CLSTN2: variants seen among roughly 807,000 people sequenced by gnomAD.
The protein encoded by CLSTN2 is calsyntenin-2.
A neutral mutation model predicts 101.2 loss-of-function variants in CLSTN2; 48 were observed. The observed-to-expected ratio is 0.47, with a 90% confidence interval of 0.38 to 0.60. CLSTN2 has a LOEUF of 0.60. CLSTN2 is among the 20% of genes least tolerant of loss of function. The probability of loss-of-function intolerance (pLI) is 0.00; values close to 1 mark genes in which losing one functional copy is unlikely to be tolerated. For synonymous variants in CLSTN2, 481 were observed against 463.6 expected (o/e 1.04, Z -0.48); for missense variants, 1,160 against 1,238.2 (o/e 0.94, Z 0.95).
chr3:140,348,478 C>T (rs976023826), intron 2 of CLSTN2, among the ~76,000 whole-genome samples: 3 of 152,180 alleles, frequency 2.0e-5, no homozygotes, highest in Admixed American at 1.3e-4. Flanking sequence ...CCCCCTACCC[C>T]AGTCACTAAC....
At position 140,264,375 on chromosome 3, in the gene CLSTN2, AATATATATATATATATAT is replaced by A. The variant is rs61248635; in HGVS notation, c.232+88338_232+88355del. 5.8e-3 allele frequency among the ~76,000 whole-genome samples: 569 copies of A among 98,530 alleles called. 11 individuals are homozygous for A. Among genetic ancestry groups the A allele is most frequent in the African/African-American group, 0.011 (317 of 28,558 alleles). 64.6% of individuals were successfully genotyped at this position (98,530 alleles called of 152,430 possible). A position where few individuals can be genotyped will look rare whatever the true frequency, so the allele number is the denominator to read the frequency against. On this transcript the variant is annotated intron_variant, in intron 2 of 16. Coordinates refer to ENST00000458420, the MANE Select transcript of CLSTN2 (RefSeq NM_022131.3). Reference sequence around the variant, plus strand: ...CTGTGAGTTCAAGGTTAATGAATCAAATATATATATATATATATATATATATATATATATATATATATA... The same window carrying A: ...CTGTGAGTTCAAGGTTAATGAATCAAATATATATATATATATATATATATA...
At chr3:140,545,286 G>A (rs1935564492) in intron 9 of CLSTN2, among the ~76,000 whole-genome samples, 1 of 152,176 alleles carries the variant, frequency 6.6e-6, no homozygotes, top group African/African-American at 2.4e-5. Flanking sequence ...CACAGAAGGT[G>A]TCCCACTGGA....
Position 140,387,346 on chromosome 3 carries a change from G to T in CLSTN2, c.233-16283G>T, listed in dbSNP as rs1158542474. On this transcript the variant is annotated intron_variant, in intron 2 of 16. Coordinates refer to ENST00000458420, the MANE Select transcript of CLSTN2 (RefSeq NM_022131.3). ...TATAAGAGAGAATTCTCTGTTAGTT[G>T]ATGAAGAGCATGTAGGATGGCTTAT... 2.6e-5 allele frequency among the ~76,000 whole-genome samples: 4 copies of T among 152,296 alleles called. No homozygotes were observed. The East Asian group carries it at 5.8e-4, about 22-fold the overall frequency.
intron 13 of CLSTN2, 120 bp downstream of exon 13, chr3:140,562,428 G>A: frequency 1.0e-6 from 1 of 985,432 alleles, no homozygotes; most frequent in Non-Finnish European, 1.5e-6. Flanking sequence ...GGACCAGTTG[G>A]AGATCCTTGG....
chr3:139,949,533 G>A (rs1277957103), intron 1 of CLSTN2, among the ~76,000 whole-genome samples: 2 of 152,196 alleles, frequency 1.3e-5, no homozygotes, highest in Non-Finnish European at 2.9e-5. Flanking sequence ...GCCCAGCTGG[G>A]GTTAGGGACC....
chr3:140,281,109 C>A (rs535533378), intron 2 of CLSTN2, among the ~76,000 whole-genome samples: 1 of 152,322 alleles, frequency 6.6e-6, no homozygotes, highest in Non-Finnish European at 1.5e-5. Flanking sequence ...GAGTGTGAGT[C>A]CATGTGTGTG....
intron 2 of CLSTN2, among the ~76,000 whole-genome samples, chr3:140,228,723 G>C (rs943695853): frequency 6.6e-6 from 1 of 152,188 alleles, no homozygotes; most frequent in Non-Finnish European, 1.5e-5. Flanking sequence ...GGAAGGCAAG[G>C]AGGAGCAAGT....
intron 11 of CLSTN2, among the ~76,000 whole-genome samples, chr3:140,557,849 C>G (rs1010007085): frequency 2.6e-5 from 4 of 152,184 alleles, no homozygotes; most frequent in African/African-American, 9.7e-5. Flanking sequence ...CCCATGAGGT[C>G]TGACGAGAAG....
intron 11 of CLSTN2, among the ~76,000 whole-genome samples, chr3:140,557,364 G>A (rs1174976731): frequency 6.6e-6 from 1 of 152,164 alleles, no homozygotes; most frequent in African/African-American, 2.4e-5. Flanking sequence ...GCCTGGGACA[G>A]GCACCAGAAA....
At chr3:139,996,979 G>A (rs553435702) in intron 1 of CLSTN2, among the ~76,000 whole-genome samples, 21 of 148,430 alleles carry the variant, frequency 1.4e-4, no homozygotes, top group African/African-American at 2.0e-4. Context: ...CCCAGGAGGC[G>A]GAAGTTGCAG....
At chr3:140,286,837 C>T (rs1436434418) in intron 2 of CLSTN2, among the ~76,000 whole-genome samples, 1 of 152,006 alleles carries the variant, frequency 6.6e-6, no homozygotes, top group Non-Finnish European at 1.5e-5. Flanking sequence ...GGCAGTGGAC[C>T]AGAGGGATAG....
intron 2 of CLSTN2, among the ~76,000 whole-genome samples, chr3:140,187,695 T>C (rs2010502847): frequency 6.6e-6 from 1 of 152,204 alleles, no homozygotes; most frequent in Non-Finnish European, 1.5e-5. Flanking sequence ...TTTTCTTTTC[T>C]CTCAAGAGCT....
chr3:140,429,226 C>A (rs1245277569), intron 5 of CLSTN2, among the ~76,000 whole-genome samples: 1 of 152,012 alleles, frequency 6.6e-6, no homozygotes. Context: ...TTAGTTAACC[C>A]TTTAGTGAAG....
chr3:140,511,164 C>T (rs967014010), intron 8 of CLSTN2, among the ~76,000 whole-genome samples: 2 of 152,168 alleles, frequency 1.3e-5, no homozygotes, highest in Non-Finnish European at 2.9e-5. Context: ...TTAATGGCTT[C>T]CAACTCCATC....
intron 1 of CLSTN2, among the ~76,000 whole-genome samples, chr3:140,027,479 C>G (rs1268236097): frequency 6.6e-6 from 1 of 152,122 alleles, no homozygotes; most frequent in Non-Finnish European, 1.5e-5. Context: ...CATAGCCTTG[C>G]TGACATTTTG....
chr3:140,414,392 A>G (rs773874838), intron 4 of CLSTN2, among the ~76,000 whole-genome samples: 1 of 152,156 alleles, frequency 6.6e-6, no homozygotes, highest in Non-Finnish European at 1.5e-5. Flanking sequence ...AACGTAGAAG[A>G]CACAAATAAA....
intron 9 of CLSTN2, among the ~76,000 whole-genome samples, chr3:140,534,712 A>G (rs978418503): frequency 1.3e-5 from 2 of 152,234 alleles, no homozygotes; most frequent in Admixed American, 6.5e-5. Flanking sequence ...ATTTTTATTC[A>G]TATTTTATTG....
intron 2 of CLSTN2, among the ~76,000 whole-genome samples, chr3:140,327,152 A>G (rs1281396122): frequency 2.0e-5 from 3 of 152,244 alleles, no homozygotes; most frequent in Non-Finnish European, 2.9e-5. Context: ...ACATGCACAT[A>G]TACACATGCG....
At chr3:140,438,488 G>T (rs1270722919) in intron 5 of CLSTN2, among the ~76,000 whole-genome samples, 1 of 91,500 alleles carries the variant, frequency 1.1e-5, no homozygotes, top group Admixed American at 1.3e-4. Flanking sequence ...AGCTTAAAAA[G>T]AGATTTATAT....
Sources: gnomAD v4.1 joint callset for allele counts (sites outside exome capture counted in the v4.1 genomes callset) on GRCh38, gnomAD v4.1.1 for gene constraint, MANE v1.5 for transcripts, NCBI Gene and HGNC (gene_info 2026-07-23, HGNC 2026-07-21) for gene names.